The following OTUD7A variants were observed in gnomAD, a reference collection of about 807,000 sequenced individuals.
OTUD7A encodes the protein OTU domain-containing protein 7A.
In OTUD7A, 12 loss-of-function variants were observed where a neutral mutation model predicts 65.7. That is an observed-to-expected ratio of 0.18 (90% CI 0.12 to 0.30). The LOEUF (loss-of-function observed/expected upper bound fraction) is 0.30. Ranked by LOEUF, OTUD7A falls within the 10% of genes least tolerant of loss-of-function variation. The pLI, the probability that OTUD7A is intolerant of heterozygous loss-of-function variation, is 1.00. For synonymous variants in OTUD7A, 641 were observed against 586.3 expected (o/e 1.09, Z -1.35); for missense variants, 1,148 against 1,304.8 (o/e 0.88, Z 1.85).
In OTUD7A at chr15:31,483,398, C is replaced by A; in HGVS notation, c.2698G>T (p.Glu900Ter). The A allele has an allele frequency of 7.4e-7, 1 of 1,347,358 alleles. No individual in the cohort carries two copies. The highest frequency in any genetic ancestry group is 9.5e-7 in the Non-Finnish European group (1 of 1,048,134). The allele number at this position is 1,347,358 out of a possible 1,614,324, so 83.5% of individuals were successfully genotyped here. A position where few individuals can be genotyped will look rare whatever the true frequency, so the allele number is the denominator to read the frequency against. The change falls in exon 13 of 13, where the codon GAG becomes TAG. Residue 900 changes from glutamate to a stop codon, truncating the protein, a stop_gained. Coordinates refer to ENST00000307050, the MANE Select transcript of OTUD7A (RefSeq NM_001382637.1). LOFTEE classifies it high-confidence loss of function. ...GCGCGCCCGTAGAACGCACAGTTCT[C>A]GCGCTGGCAGCGCCGCTGCACCGGC... ...PGPVQRRCQR[E>*]NCAFYGRAET... is the part of the protein sequence containing the mutation.
At chr15:31,638,326 T>G (rs13379799) in intron 3 of OTUD7A, among the ~76,000 whole-genome samples, 4,759 of 152,064 alleles carry the variant, frequency 0.031, 262 homozygotes, top group African/African-American at 0.11. Flanking sequence ...GTACATTTTT[T>G]AGATATAATG....
At chr15:31,842,658 C>T (rs1037905092) in intron 1 of OTUD7A, among the ~76,000 whole-genome samples, 5 of 152,106 alleles carry the variant, frequency 3.3e-5, no homozygotes, top group Non-Finnish European at 5.9e-5. Flanking sequence ...TGACAAGATT[C>T]GTGACTCTCC....
At chr15:31,570,428 A>G (rs918127896) in intron 3 of OTUD7A, among the ~76,000 whole-genome samples, 5 of 148,564 alleles carry the variant, frequency 3.4e-5, no homozygotes, top group Non-Finnish European at 7.4e-5. Context: ...ACAGTCTCAG[A>G]GCCTTTAGGT....
At chr15:31,869,406 T>G (rs1487278933) in intron 1 of OTUD7A, among the ~76,000 whole-genome samples, 1 of 152,204 alleles carries the variant, frequency 6.6e-6, no homozygotes, top group Non-Finnish European at 1.5e-5. Context: ...CCTGAAGCAA[T>G]TAAGACCTGT....
intron 3 of OTUD7A, among the ~76,000 whole-genome samples, chr15:31,634,769 G>T (rs752576493): frequency 1.3e-5 from 2 of 152,206 alleles, no homozygotes; most frequent in Non-Finnish European, 2.9e-5. Flanking sequence ...CACAGAAACC[G>T]CCCAAGGCTT....
intron 4 of OTUD7A, among the ~76,000 whole-genome samples, chr15:31,564,425 GAATA>G (rs1365494644): frequency 8.6e-6 from 1 of 116,948 alleles, no homozygotes; most frequent in Non-Finnish European, 1.9e-5. Context: ...GAATACATGT[GAATA>G]AATAAAGGAG....
At chr15:31,764,634 AT>A (rs1398324303) in intron 1 of OTUD7A, among the ~76,000 whole-genome samples, 13 of 152,178 alleles carry the variant, frequency 8.5e-5, no homozygotes, top group Admixed American at 7.8e-4. Context: ...CTTGACACTT[AT>A]AAAAATGTTT....
At chr15:31,559,498 G>A (rs1888616600) in intron 4 of OTUD7A, among the ~76,000 whole-genome samples, 1 of 151,924 alleles carries the variant, frequency 6.6e-6, no homozygotes, top group South Asian at 2.1e-4. Flanking sequence ...ACACACACAT[G>A]CACACACATA....
chr15:31,593,918 G>A (rs75322799), intron 3 of OTUD7A, among the ~76,000 whole-genome samples: 9,017 of 152,196 alleles, frequency 0.059, 495 homozygotes, highest in East Asian at 0.3. Flanking sequence ...ACGTCATGCT[G>A]CAGAAAGCCA....
chr15:31,621,906 T>C (rs1394739682), intron 3 of OTUD7A, among the ~76,000 whole-genome samples: 3 of 152,202 alleles, frequency 2.0e-5, no homozygotes, highest in Non-Finnish European at 4.4e-5. Context: ...GCTGTACCAG[T>C]TGTTCCTTTC....
intron 5 of OTUD7A, among the ~76,000 whole-genome samples, chr15:31,536,999 T>C (rs903668722): frequency 7.9e-5 from 12 of 152,190 alleles, no homozygotes; most frequent in Admixed American, 3.3e-4. Context: ...CTACACATTA[T>C]ATACATGTAA....
At chr15:31,555,648 G>C (rs1319893618) in intron 5 of OTUD7A, among the ~76,000 whole-genome samples, 2 of 152,146 alleles carry the variant, frequency 1.3e-5, no homozygotes, top group African/African-American at 4.8e-5. Flanking sequence ...GGCCGGCTGA[G>C]GGTCTTCACG....
chr15:31,485,104 A>T (rs2041218224), intron 12 of OTUD7A, among the ~76,000 whole-genome samples: 1 of 152,050 alleles, frequency 6.6e-6, no homozygotes, highest in African/African-American at 2.4e-5. Context: ...GAGCCTTGTC[A>T]CAATTTAGAA....
At chr15:31,778,146 C>T (rs1280400216) in intron 1 of OTUD7A, among the ~76,000 whole-genome samples, 1 of 152,002 alleles carries the variant, frequency 6.6e-6, no homozygotes, top group Non-Finnish European at 1.5e-5. Flanking sequence ...GGACAAGAGC[C>T]CAAGAATACG....
In OTUD7A at chr15:31,860,910, G is replaced by C. The variant is rs865954274; in HGVS notation, c.-100+9597C>G. 2.9e-3 allele frequency among the ~76,000 whole-genome samples: 411 copies of C among 143,574 alleles called. 3 individuals are homozygous for C. Among genetic ancestry groups the C allele is most frequent in the African/African-American group, 0.01 (396 of 38,502 alleles). The allele number at this position is 143,574 out of a possible 152,430, so 94.2% of individuals were successfully genotyped here. ...TTTTTTTTGTATTTTTAGTAGAGAC[G>C]GGGTTTCACCATGTTAGGCAGGATG... On this transcript the variant is annotated intron_variant, in intron 1 of 12. Coordinates refer to ENST00000307050, the MANE Select transcript of OTUD7A (RefSeq NM_001382637.1).
chr15:31,551,865 C>A (rs1168409870), intron 5 of OTUD7A, among the ~76,000 whole-genome samples: 1 of 152,196 alleles, frequency 6.6e-6, no homozygotes, highest in African/African-American at 2.4e-5. Flanking sequence ...GTCCTTTGCT[C>A]CTCTGGGGCA....
intron 1 of OTUD7A, among the ~76,000 whole-genome samples, chr15:31,687,000 A>G (rs2141313387): frequency 6.6e-6 from 1 of 152,264 alleles, no homozygotes; most frequent in East Asian, 1.9e-4. Context: ...AAAATAACCT[A>G]TATTTTCACA....
At chr15:31,634,636 C>T (rs982614547) in intron 3 of OTUD7A, among the ~76,000 whole-genome samples, 1 of 152,256 alleles carries the variant, frequency 6.6e-6, no homozygotes, top group Admixed American at 6.5e-5. Flanking sequence ...CTTCTCCCGG[C>T]ACAGTGCCCA....
At chr15:31,865,187 A>T (rs1567061983) in intron 1 of OTUD7A, among the ~76,000 whole-genome samples, 1 of 152,216 alleles carries the variant, frequency 6.6e-6, no homozygotes, top group Non-Finnish European at 1.5e-5. Flanking sequence ...ATACATTTTA[A>T]AAAGAAAAAG....
Sources: allele counts gnomAD v4.1 joint callset (sites outside exome capture counted in the v4.1 genomes callset), GRCh38; gene constraint gnomAD v4.1.1; transcripts MANE v1.5; gene names NCBI Gene and HGNC (gene_info 2026-07-23, HGNC 2026-07-21).